ANK3: variants seen among roughly 807,000 people sequenced by gnomAD.
The protein encoded by ANK3 is ankyrin-3.
In ANK3, 57 loss-of-function variants were observed where a neutral mutation model predicts 370.9. That is an observed-to-expected ratio of 0.15 (90% CI 0.12 to 0.19). The LOEUF (loss-of-function observed/expected upper bound fraction) is 0.19. ANK3 is among the 10% of genes least tolerant of loss of function. The pLI, the probability that ANK3 is intolerant of heterozygous loss-of-function variation, is 1.00. For synonymous variants in ANK3, 1,929 were observed against 1,946.3 expected, an observed-to-expected ratio of 0.99 and a Z score of 0.23; for missense variants, 4,439 against 5,302.1, an observed-to-expected ratio of 0.84 and a Z score of 5.06.
chr10:60,156,642 A>G (rs2095337319), intron 23 of ANK3, among the ~76,000 whole-genome samples: 2 of 152,216 alleles, frequency 1.3e-5, no homozygotes, highest in Admixed American at 1.3e-4. Flanking sequence ...CTGGTAACCC[A>G]GGGAATTCTC....
chr10:60,464,565 G>A (rs891191469), intron 2 of ANK3, among the ~76,000 whole-genome samples: 49 of 152,226 alleles, frequency 3.2e-4, no homozygotes, highest in Admixed American at 5.2e-4. Context: ...GAGAACCCCC[G>A]ATGTAATGTG....
chr10:60,521,706 T>C (rs6479715), intron 2 of ANK3, among the ~76,000 whole-genome samples: 58,299 of 151,892 alleles, frequency 0.38, 11,534 homozygotes, highest in Middle Eastern at 0.42. Flanking sequence ...TTAGAAGCCA[T>C]TCCAGGGCCC....
At chr10:60,437,235 C>T (rs1285869425) in intron 2 of ANK3, among the ~76,000 whole-genome samples, 2 of 152,082 alleles carry the variant, frequency 1.3e-5, no homozygotes, top group African/African-American at 4.8e-5. Context: ...GAGGACTCAG[C>T]GCTGGCCAGA....
At chr10:60,487,630 T>G (rs940113923) in intron 2 of ANK3, among the ~76,000 whole-genome samples, 1 of 152,140 alleles carries the variant, frequency 6.6e-6, no homozygotes, top group African/African-American at 2.4e-5. Context: ...GAAAGTATAC[T>G]TGGTAAATCC....
At chr10:60,201,708 CT>C (rs10544317) in intron 12 of ANK3, among the ~76,000 whole-genome samples, 2,121 of 120,014 alleles carry the variant, frequency 0.018, 28 homozygotes, top group African/African-American at 0.056. Flanking sequence ...GAAATCACTT[CT>C]TTTTTTTTTT....
intron 2 of ANK3, among the ~76,000 whole-genome samples, chr10:60,610,838 G>A (rs1252505211): frequency 1.3e-5 from 2 of 152,116 alleles, no homozygotes; most frequent in Non-Finnish European, 2.9e-5. Context: ...GAAAACAGAG[G>A]GGCAATTGAA....
intron 2 of ANK3, among the ~76,000 whole-genome samples, chr10:60,468,173 G>A (rs1458843645): frequency 6.6e-6 from 1 of 151,868 alleles, no homozygotes; most frequent in Admixed American, 6.6e-5. Flanking sequence ...TAGTAGTGAT[G>A]GGGTTTCTCC....
intron 2 of ANK3, among the ~76,000 whole-genome samples, chr10:60,484,780 T>G (rs114391237): frequency 2.0e-5 from 3 of 152,194 alleles, no homozygotes; most frequent in Non-Finnish European, 2.9e-5. Context: ...TTCCCATTCC[T>G]GACTCAAAGT....
At chr10:60,644,295 T>C (rs765186384) in intron 1 of ANK3, among the ~76,000 whole-genome samples, 82 of 152,246 alleles carry the variant, frequency 5.4e-4, no homozygotes, top group South Asian at 8.3e-4. Context: ...CCAATAAATA[T>C]ACAAGGTAGA....
At chr10:60,511,572 T>C (rs1006369241) in intron 2 of ANK3, among the ~76,000 whole-genome samples, 4 of 152,148 alleles carry the variant, frequency 2.6e-5, no homozygotes, top group Non-Finnish European at 5.9e-5. Context: ...AAAAGGATTA[T>C]TTTATGCAAG....
intron 8 of ANK3, among the ~76,000 whole-genome samples, chr10:60,218,536 T>A (rs1347076994): frequency 6.6e-6 from 1 of 152,186 alleles, no homozygotes; most frequent in Admixed American, 6.5e-5. Flanking sequence ...CTCCTTCACT[T>A]ATGAAGCTTA....
At chr10:60,665,702 CA>C (rs1257051986) in intron 1 of ANK3, among the ~76,000 whole-genome samples, 2 of 152,174 alleles carry the variant, frequency 1.3e-5, no homozygotes, top group African/African-American at 4.8e-5. Flanking sequence ...CCAGTTTCTC[CA>C]TCCTAATCCC....
intron 2 of ANK3, among the ~76,000 whole-genome samples, chr10:60,607,486 G>A (rs1825457738): frequency 6.6e-6 from 1 of 152,054 alleles, no homozygotes; most frequent in African/African-American, 2.4e-5. Flanking sequence ...GCTGCCTATC[G>A]AATCCTGGAA....
intron 1 of ANK3, among the ~76,000 whole-genome samples, chr10:60,312,799 A>G (rs1353101513): frequency 6.6e-6 from 1 of 152,240 alleles, no homozygotes; most frequent in Non-Finnish European, 1.5e-5. Context: ...CAGATGTTTT[A>G]AGCAAAGCTA....
intron 1 of ANK3, among the ~76,000 whole-genome samples, chr10:60,367,990 T>C (rs1392854912): frequency 6.6e-6 from 1 of 152,186 alleles, no homozygotes; most frequent in East Asian, 1.9e-4. Flanking sequence ...GCTTGTCTAA[T>C]GCTTGTCTAT....
At chr10:60,552,731 G>A (rs1350759074) in intron 2 of ANK3, among the ~76,000 whole-genome samples, 8 of 152,148 alleles carry the variant, frequency 5.3e-5, no homozygotes, top group Non-Finnish European at 1.2e-4. Flanking sequence ...CCTTCACTTT[G>A]TGGTTGATAC....
At chr10:60,635,189 A>C (rs1276075834) in intron 1 of ANK3, among the ~76,000 whole-genome samples, 1 of 152,146 alleles carries the variant, frequency 6.6e-6, no homozygotes, top group East Asian at 1.9e-4. Context: ...CTACACCTCC[A>C]GATATAGTCT....
At chr10:60,567,414 A>G (rs551938021) in intron 2 of ANK3, among the ~76,000 whole-genome samples, 3 of 152,182 alleles carry the variant, frequency 2.0e-5, no homozygotes, top group Non-Finnish European at 4.4e-5. Flanking sequence ...TGTCTACAGC[A>G]TGGTTTGCTG....
chr10:60,529,618 T>A (rs2076558148), intron 2 of ANK3, among the ~76,000 whole-genome samples: 1 of 152,154 alleles, frequency 6.6e-6, no homozygotes, highest in Admixed American at 6.5e-5. Flanking sequence ...TTTATTCACA[T>A]GCTCTGAACG....
Sources: allele counts gnomAD v4.1 joint callset (sites outside exome capture counted in the v4.1 genomes callset), GRCh38; gene constraint gnomAD v4.1.1; transcripts MANE v1.5; gene names NCBI Gene and HGNC (gene_info 2026-07-23, HGNC 2026-07-21).